Variants in RAB6A observed in about 807,000 individuals in gnomAD.
RAB6A encodes the protein RAB6A, member RAS oncogene family.
RAB6A carries 8 observed loss-of-function variants against 32.3 expected under a neutral mutation model. That is an observed-to-expected ratio of 0.25 (90% confidence interval 0.15 to 0.45). The LOEUF (loss-of-function observed/expected upper bound fraction) is 0.45, where lower values mean the gene tolerates loss of function less well. Among genes scored for constraint, RAB6A ranks in the 20% least tolerant of loss-of-function variants. The pLI is 1.00. For missense variants in RAB6A, 104 were observed against 249.4 expected, an observed-to-expected ratio of 0.42 and a Z score of 3.93; for synonymous variants, 73 against 82.1, an observed-to-expected ratio of 0.89 and a Z score of 0.60.
intron 1 of RAB6A, among the ~76,000 whole-genome samples, chr11:73,733,205 C>T (rs998741543): frequency 6.6e-6 from 1 of 152,036 alleles, no homozygotes; most frequent in Admixed American, 6.6e-5. Flanking sequence ...TTGTTTTAAG[C>T]CAAGTCTTTC....
chr11:73,709,765 G>A (rs1454135139), intron 5 of RAB6A, among the ~76,000 whole-genome samples: 2 of 148,816 alleles, frequency 1.3e-5, no homozygotes, highest in Non-Finnish European at 1.5e-5. Flanking sequence ...CTTTTCAGTA[G>A]ACAGAGCTAG....
chr11:73,734,355 A>G (rs895641872), intron 1 of RAB6A, among the ~76,000 whole-genome samples: 2 of 151,972 alleles, frequency 1.3e-5, no homozygotes. Flanking sequence ...CAAACTCCTG[A>G]CCTCAGGTGA....
At chr11:73,736,824 A>AAAAAAAAAAAAAAAAAAAAAAC (rs1555066487) in intron 1 of RAB6A, among the ~76,000 whole-genome samples, 2 of 144,704 alleles carry the variant, frequency 1.4e-5, no homozygotes, top group Non-Finnish European at 3.0e-5. Context: ...AAAAAAAAAA[A>AAAAAAAAAAAAAAAAAAAAAAC]AACAATTAGC....
At chr11:73,716,197 A>G in intron 5 of RAB6A, 54 bp downstream of exon 5, 5 of 1,330,512 alleles carry the variant, frequency 3.8e-6, no homozygotes, top group Non-Finnish European at 5.3e-6. Context: ...GAACAAAAAT[A>G]AAAGGCTGCA....
chr11:73,731,890 C>T (rs1490038138), intron 1 of RAB6A, among the ~76,000 whole-genome samples: 3 of 150,650 alleles, frequency 2.0e-5, no homozygotes, highest in African/African-American at 4.9e-5. Flanking sequence ...TACAGGTGCA[C>T]GCCACCATGC....
chr11:73,705,786 G>A (rs1195367378), intron 6 of RAB6A, among the ~76,000 whole-genome samples: 1 of 151,546 alleles, frequency 6.6e-6, no homozygotes, highest in Non-Finnish European at 1.5e-5. Context: ...GAGAGAGAGA[G>A]AGAGAGAGAG....
At chr11:73,731,719 TATATATATATATACACACACACAC>T (rs1946312592) in intron 1 of RAB6A, among the ~76,000 whole-genome samples, 3 of 10,998 alleles carry the variant, frequency 2.7e-4, no homozygotes, top group South Asian at 2.0e-3. Flanking sequence ...TATATATATA[TATATATATATATACACACACACAC>T]ACATATTTTC....
At chr11:73,732,067 T>C (rs1271958367) in intron 1 of RAB6A, among the ~76,000 whole-genome samples, 10 of 152,020 alleles carry the variant, frequency 6.6e-5, no homozygotes, top group Non-Finnish European at 1.3e-4. Context: ...TTAATCCATA[T>C]GAAAGTGTCA....
chr11:73,743,325 A>G (rs1946530962), intron 1 of RAB6A, among the ~76,000 whole-genome samples: 1 of 150,210 alleles, frequency 6.7e-6, no homozygotes, highest in African/African-American at 2.4e-5. Flanking sequence ...AAAAAAAGAG[A>G]AAAAAGAAAG....
intron 6 of RAB6A, among the ~76,000 whole-genome samples, chr11:73,706,056 A>C (rs1945836926): frequency 6.6e-6 from 1 of 152,244 alleles, no homozygotes; most frequent in Non-Finnish European, 1.5e-5. Context: ...ACAATATGTT[A>C]ATGAGGAAAG....
At chr11:73,682,891 T>A (rs1945382383) in intron 6 of RAB6A, among the ~76,000 whole-genome samples, 1 of 152,188 alleles carries the variant, frequency 6.6e-6, no homozygotes, top group South Asian at 2.1e-4. Flanking sequence ...ATCTTTTTTA[T>A]GAGCATTAAA....
Position 73,760,700 on chromosome 11 carries a change from C to A in RAB6A, c.-65G>T, listed in dbSNP as rs1244569628. 2.6e-6 allele frequency: 4 copies of A among 1,557,910 alleles called. No individual in the cohort carries two copies. The highest frequency in any genetic ancestry group is 1.9e-5 in the Admixed American group (1 of 52,130). ...CCTCCCGGACCGATGCTGCTCCAGC[C>A]AGCTGACGAAAAAGGCGAGCGGAAG... On this transcript the variant is annotated 5_prime_UTR_variant, in exon 1 of 8. Transcript: ENST00000336083.
In RAB6A at chr11:73,688,492, A is replaced by G. The variant is rs1301262927; in HGVS notation, c.496-8772T>C. ...ATACAATGAATTAGTCTCTGTGTCC[A>G]TCACGTTCTGGCTCCGGAGAAATAA... On this transcript the variant is annotated intron_variant, in intron 6 of 7. Transcript: ENST00000336083. 2.6e-5 allele frequency among the ~76,000 whole-genome samples: 4 copies of G among 152,202 alleles called. No homozygotes were observed. In the East Asian group the frequency reaches 7.7e-4, roughly 29 times the overall value.
intron 2 of RAB6A, among the ~76,000 whole-genome samples, chr11:73,727,446 CT>C (rs942781417): frequency 1.7e-4 from 26 of 149,456 alleles, no homozygotes; most frequent in Non-Finnish European, 2.8e-4. Flanking sequence ...AAAAAAAGAA[CT>C]TTTTTTTCCC....
intron 4 of RAB6A, among the ~76,000 whole-genome samples, chr11:73,718,122 T>C (rs1045227360): frequency 1.3e-5 from 2 of 152,268 alleles, no homozygotes; most frequent in East Asian, 1.9e-4. Flanking sequence ...AAAAGATTAA[T>C]AGAAAACTGT....
intron 6 of RAB6A, among the ~76,000 whole-genome samples, chr11:73,700,438 G>A (rs1470577968): frequency 1.3e-5 from 2 of 151,976 alleles, no homozygotes; most frequent in East Asian, 3.9e-4. Flanking sequence ...ATAATTAGCT[G>A]GGTATGATAG....
intron 6 of RAB6A, among the ~76,000 whole-genome samples, chr11:73,689,966 T>C (rs2134880331): frequency 6.6e-6 from 1 of 152,220 alleles, no homozygotes; most frequent in African/African-American, 2.4e-5. Context: ...TAGACCTCTT[T>C]AAATATTTTA....
At chr11:73,752,301 C>CAA (rs1008485104) in intron 1 of RAB6A, among the ~76,000 whole-genome samples, 15 of 152,030 alleles carry the variant, frequency 9.9e-5, no homozygotes, top group African/African-American at 3.6e-4. Context: ...ACTAAAAATA[C>CAA]AAAAATTAGC....
chr11:73,677,675 G>A lies in RAB6A; in HGVS notation c.*223C>T. The A allele has an allele frequency of 8.3e-7, 1 of 1,208,990 alleles. No individual in the cohort carries two copies. Among genetic ancestry groups the A allele is most frequent in the Non-Finnish European group, 1.1e-6 (1 of 873,834 alleles). The allele number at this position is 1,208,990 out of a possible 1,614,324, so 74.9% of individuals were successfully genotyped here. On this transcript the variant is annotated 3_prime_UTR_variant, in exon 8 of 8. Transcript: ENST00000336083. Reference sequence around the variant, plus strand: ...TTTAAAGTTATCACTGGAATATGCTGAAATATTTTGGCTTTTTGTAAAATA... The same window carrying A: ...TTTAAAGTTATCACTGGAATATGCTAAAATATTTTGGCTTTTTGTAAAATA...
Sources: allele counts gnomAD v4.1 joint callset (sites outside exome capture counted in the v4.1 genomes callset), GRCh38; gene constraint gnomAD v4.1.1; transcripts MANE v1.5; gene names NCBI Gene and HGNC (gene_info 2026-07-23, HGNC 2026-07-21).